TNR: variants seen among roughly 807,000 people sequenced by gnomAD.
TNR encodes tenascin R.
TNR carries 45 observed loss-of-function variants against 150.4 expected under a neutral mutation model. The ratio of observed to expected loss-of-function variants is 0.30; its 90% CI spans 0.24 to 0.38. The LOEUF is 0.38. Ranked by LOEUF, TNR falls within the 10% of genes least tolerant of loss-of-function variation. The pLI is 1.00. For missense variants in TNR, 1,544 were observed against 1,759.1 expected (o/e 0.88, Z 2.19); for synonymous variants, 687 against 678.4 (o/e 1.01, Z -0.20).
intron 9 of TNR, among the ~76,000 whole-genome samples, chr1:175,377,638 G>A (rs1233281667): frequency 6.6e-6 from 1 of 151,992 alleles, no homozygotes; most frequent in East Asian, 1.9e-4. Context: ...TCTGGAAAAG[G>A]CATTTATTAT....
chr1:175,439,167 C>A, intron 2 of TNR, among the ~76,000 whole-genome samples: 2 of 150,858 alleles, frequency 1.3e-5, no homozygotes, highest in African/African-American at 4.9e-5. Context: ...GTACTGGTAC[C>A]AAAACAGAGA....
intron 1 of TNR, among the ~76,000 whole-genome samples, chr1:175,625,492 C>T (rs1006418893): frequency 2.0e-5 from 3 of 152,224 alleles, no homozygotes; most frequent in Admixed American, 6.5e-5. Context: ...TTGCAAAAGC[C>T]CTAGTGTAGC....
chr1:175,330,420 A>G, intron 20 of TNR, 185 bp from the exon 21 acceptor site: 1 of 573,822 alleles, frequency 1.7e-6, no homozygotes, highest in Non-Finnish European at 2.8e-6. Flanking sequence ...TCTTCCTGCA[A>G]AGAGGACAGT....
chr1:175,597,341 T>C (rs1465263668), intron 1 of TNR, among the ~76,000 whole-genome samples: 1 of 152,162 alleles, frequency 6.6e-6, no homozygotes, highest in Non-Finnish European at 1.5e-5. Context: ...CAGCATCTCC[T>C]AGGGAATGTG....
intron 19 of TNR, among the ~76,000 whole-genome samples, chr1:175,336,919 TACTC>T (rs1306117144): frequency 6.6e-6 from 1 of 152,280 alleles, no homozygotes; most frequent in East Asian, 1.9e-4. Flanking sequence ...TTTTGAGTCT[TACTC>T]ACTCTGTCAC....
At chr1:175,646,113 T>A (rs575649026) in intron 1 of TNR, among the ~76,000 whole-genome samples, 1 of 152,166 alleles carries the variant, frequency 6.6e-6, no homozygotes, top group African/African-American at 2.4e-5. Context: ...AAAGATATTC[T>A]AGTTGCACGC....
intron 1 of TNR, among the ~76,000 whole-genome samples, chr1:175,654,204 A>G (rs1665100828): frequency 6.6e-6 from 1 of 152,152 alleles, no homozygotes; most frequent in South Asian, 2.1e-4. Context: ...GCCTTGAGAC[A>G]CCCAATTCCC....
intron 1 of TNR, among the ~76,000 whole-genome samples, chr1:175,661,626 T>C (rs1363734368): frequency 2.0e-5 from 3 of 152,150 alleles, no homozygotes; most frequent in Non-Finnish European, 1.5e-5. Context: ...AGACAAGGAT[T>C]GTTCTGCAAA....
At chr1:175,657,883 A>ATATATATATATATATATATATGTGTG (rs1464419575) in intron 1 of TNR, among the ~76,000 whole-genome samples, 24 of 101,114 alleles carry the variant, frequency 2.4e-4, no homozygotes, top group Non-Finnish European at 3.5e-4. Context: ...ATATATATAT[A>ATATATATATATATATATATATGTGTG]TGTAACAAAC....
At chr1:175,624,607 C>A (rs1488480484) in intron 1 of TNR, among the ~76,000 whole-genome samples, 1 of 152,028 alleles carries the variant, frequency 6.6e-6, no homozygotes, top group Non-Finnish European at 1.5e-5. Context: ...AGAGGTAGTC[C>A]CACTACAGGT....
chr1:175,417,015 G>GAAAGAAAGAA (rs1654502032), intron 2 of TNR, among the ~76,000 whole-genome samples: 1 of 82,734 alleles, frequency 1.2e-5, no homozygotes, highest in Admixed American at 1.4e-4. Flanking sequence ...CTCAAAAAAA[G>GAAAGAAAGAA]AAAGAAAGAA....
At chr1:175,331,038 T>TTTC (rs1428655308) in intron 20 of TNR, among the ~76,000 whole-genome samples, 1 of 66,922 alleles carries the variant, frequency 1.5e-5, no homozygotes, top group Admixed American at 1.8e-4. Context: ...TCTTTCTTTC[T>TTTC]TTCTTTCTTT....
chr1:175,570,483 T>C (rs776531548), intron 1 of TNR, among the ~76,000 whole-genome samples: 2 of 152,176 alleles, frequency 1.3e-5, no homozygotes, highest in African/African-American at 2.4e-5. Flanking sequence ...GAATGGATTT[T>C]ATTACTTTAG....
intron 1 of TNR, among the ~76,000 whole-genome samples, chr1:175,546,537 C>T (rs750294826): frequency 7.2e-5 from 11 of 152,166 alleles, no homozygotes; most frequent in Non-Finnish European, 1.3e-4. Context: ...AGGGAGGCCA[C>T]GAGGGCAGAG....
intron 1 of TNR, among the ~76,000 whole-genome samples, chr1:175,609,243 G>C (rs1037300470): frequency 1.3e-5 from 2 of 152,166 alleles, no homozygotes; most frequent in Non-Finnish European, 2.9e-5. Context: ...AACCCAGTTT[G>C]ACTTATATAA....
intron 1 of TNR, among the ~76,000 whole-genome samples, chr1:175,592,305 G>T (rs1662831346): frequency 1.3e-5 from 2 of 152,262 alleles, no homozygotes; most frequent in Admixed American, 1.3e-4. Flanking sequence ...CCAGGGGCCA[G>T]TGCACCTCTC....
chr1:175,468,768 G>A (rs1390283026), intron 2 of TNR, among the ~76,000 whole-genome samples: 1 of 152,162 alleles, frequency 6.6e-6, no homozygotes, highest in Non-Finnish European at 1.5e-5. Flanking sequence ...TGTGGCTGGA[G>A]CCTGAGGTGG....
chr1:175,658,194 G>A (rs546343639), intron 1 of TNR, among the ~76,000 whole-genome samples: 3 of 152,232 alleles, frequency 2.0e-5, no homozygotes, highest in South Asian at 4.1e-4. Flanking sequence ...GCAGCCCTCA[G>A]GTGTGTGGAA....
At chr1:175,582,047 C>T (rs969372032) in intron 1 of TNR, among the ~76,000 whole-genome samples, 1 of 151,996 alleles carries the variant, frequency 6.6e-6, no homozygotes, top group Non-Finnish European at 1.5e-5. Flanking sequence ...CTGGGTGGTA[C>T]CAGGAAAAGA....
Sources: gnomAD v4.1 joint callset for allele counts (sites outside exome capture counted in the v4.1 genomes callset) on GRCh38, gnomAD v4.1.1 for gene constraint, MANE v1.5 for transcripts, NCBI Gene and HGNC (gene_info 2026-07-23, HGNC 2026-07-21) for gene names.